Variants in CSMD1 observed in about 807,000 individuals in gnomAD.
CSMD1 encodes CUB and Sushi multiple domains 1, also known as CUB and sushi domain-containing protein 1.
Under a neutral mutation model 417.5 loss-of-function variants are expected in CSMD1, and 213 were observed. The observed-to-expected ratio is 0.51, with a 90% confidence interval of 0.46 to 0.57. CSMD1 has a LOEUF of 0.57. Ranked by LOEUF, CSMD1 falls within the 20% of genes least tolerant of loss-of-function variation. CSMD1 has a pLI of 0.00. For missense variants in CSMD1, 6,923 were observed against 4,529.7 expected (o/e 1.53, Z -15.17); for synonymous variants, 2,862 against 1,736.8 (o/e 1.65, Z -16.11).
At chr8:4,032,217 G>GA (rs1159875558) in intron 3 of CSMD1, 118 bp from the exon 4 acceptor site, 2 of 665,406 alleles carry the variant, frequency 3.0e-6, no homozygotes, top group African/African-American at 1.8e-5. Flanking sequence ...TCTAGCATCA[G>GA]AAAAATATTA....
chr8:4,080,034 G>T (rs560991063), intron 3 of CSMD1, among the ~76,000 whole-genome samples: 54 of 151,046 alleles, frequency 3.6e-4, no homozygotes, highest in African/African-American at 1.3e-3. Context: ...TCAAAAGGGT[G>T]GTGAGTGGCC....
chr8:3,786,361 C>G (rs770732964), intron 5 of CSMD1, among the ~76,000 whole-genome samples: 1 of 151,946 alleles, frequency 6.6e-6, no homozygotes, highest in Non-Finnish European at 1.5e-5. Context: ...GCTTGGGTGA[C>G]CTCATTTAGG....
chr8:4,818,481 T>A (rs1464822135), intron 1 of CSMD1, among the ~76,000 whole-genome samples: 1 of 152,162 alleles, frequency 6.6e-6, no homozygotes, highest in Non-Finnish European at 1.5e-5. Flanking sequence ...CAGCAACAAT[T>A]TTGATTTAGT....
chr8:4,811,585 T>C (rs1798911472), intron 1 of CSMD1, among the ~76,000 whole-genome samples: 1 of 152,164 alleles, frequency 6.6e-6, no homozygotes, highest in African/African-American at 2.4e-5. Context: ...GCTCATCCTT[T>C]GGCAATAATT....
At chr8:4,266,816 A>G (rs58919321) in intron 3 of CSMD1, among the ~76,000 whole-genome samples, 1,432 of 104,734 alleles carry the variant, frequency 0.014, 482 homozygotes, top group Middle Eastern at 0.061. Flanking sequence ...GTGGATTGTG[A>G]TGACTTTTCA....
At chr8:4,651,831 G>C (rs1243803914) in intron 1 of CSMD1, among the ~76,000 whole-genome samples, 1 of 152,188 alleles carries the variant, frequency 6.6e-6, no homozygotes, top group East Asian at 1.9e-4. Flanking sequence ...CAAACAGAGA[G>C]CTCATTGGAA....
At chr8:3,568,991 T>C (rs531924228) in intron 10 of CSMD1, among the ~76,000 whole-genome samples, 1 of 152,214 alleles carries the variant, frequency 6.6e-6, no homozygotes, top group African/African-American at 2.4e-5. Flanking sequence ...GAATTCTGAT[T>C]GCAGGACTCA....
chr8:3,224,019 G>C (rs1017221767), intron 27 of CSMD1, among the ~76,000 whole-genome samples, 152 bp from the exon 28 acceptor site: 4 of 152,106 alleles, frequency 2.6e-5, no homozygotes, highest in Non-Finnish European at 4.4e-5. Context: ...CAATTATCCT[G>C]ATAAAATTGT....
At chr8:3,183,623 C>T (rs1025661783) in intron 36 of CSMD1, among the ~76,000 whole-genome samples, 2 of 151,298 alleles carry the variant, frequency 1.3e-5, no homozygotes, top group Admixed American at 1.3e-4. Context: ...TGTTTCTTAA[C>T]GATACCATCG....
In CSMD1 at chr8:4,187,851, G is replaced by C. The variant is rs578028334; in HGVS notation, c.416-155752C>G. On this transcript the variant is annotated intron_variant, in intron 3 of 69. Transcript: ENST00000635120. ...GATGACTTGCTGAGACTATTTCATA[G>C]GCAGTTTTATACTTTTATTCTCTCA... Among the ~76,000 whole-genome samples the C allele has an allele frequency of 9.2e-5, 14 of 151,996 alleles. No homozygotes were observed. The East Asian group carries it at 2.7e-3, about 30-fold the overall frequency.
intron 22 of CSMD1, among the ~76,000 whole-genome samples, chr8:3,344,072 G>C (rs1030282019): frequency 3.9e-5 from 6 of 152,172 alleles, no homozygotes; most frequent in African/African-American, 1.2e-4. Context: ...TTCCCAAGCA[G>C]TTGTAAAACG....
At chr8:4,731,087 A>G (rs184706601) in intron 1 of CSMD1, among the ~76,000 whole-genome samples, 1 of 152,322 alleles carries the variant, frequency 6.6e-6, no homozygotes, top group East Asian at 1.9e-4. Flanking sequence ...AGAGACCATT[A>G]CCAGCTGTAA....
At chr8:3,480,965 G>C (rs1354468479) in intron 11 of CSMD1, among the ~76,000 whole-genome samples, 1 of 151,714 alleles carries the variant, frequency 6.6e-6, no homozygotes, top group African/African-American at 2.4e-5. Context: ...GACTATCCTG[G>C]CTAACATAGT....
intron 11 of CSMD1, among the ~76,000 whole-genome samples, chr8:3,483,072 A>G (rs948487894): frequency 4.6e-5 from 7 of 152,272 alleles, no homozygotes; most frequent in South Asian, 4.1e-4. Flanking sequence ...AGATTCTAGC[A>G]TAAGTAATGC....
intron 26 of CSMD1, among the ~76,000 whole-genome samples, chr8:3,259,008 G>A (rs1800862279): frequency 6.6e-6 from 1 of 152,160 alleles, no homozygotes; most frequent in Non-Finnish European, 1.5e-5. Context: ...CTTAATAGCT[G>A]GGTGATGAAT....
intron 2 of CSMD1, among the ~76,000 whole-genome samples, chr8:4,517,507 C>T (rs572779203): frequency 6.6e-6 from 1 of 152,308 alleles, no homozygotes; most frequent in East Asian, 1.9e-4. Flanking sequence ...CTGTGGCATA[C>T]TAAATGCTTA....
chr8:3,514,371 A>G (rs1254117377), intron 10 of CSMD1, among the ~76,000 whole-genome samples: 2 of 152,140 alleles, frequency 1.3e-5, no homozygotes, highest in Non-Finnish European at 2.9e-5. Flanking sequence ...CAGGTACTGC[A>G]CACCTAGCAA....
At chr8:4,284,930 A>C (rs982205265) in intron 3 of CSMD1, among the ~76,000 whole-genome samples, 2 of 152,158 alleles carry the variant, frequency 1.3e-5, no homozygotes, top group South Asian at 4.1e-4. Flanking sequence ...TGCACCAGTT[A>C]ATTACCTGTA....
At chr8:3,237,340 G>T (rs541154730) in intron 26 of CSMD1, among the ~76,000 whole-genome samples, 1 of 151,674 alleles carries the variant, frequency 6.6e-6, no homozygotes, top group African/African-American at 2.4e-5. Context: ...GGTGGTGTGT[G>T]TCTGTAATCT....
Sources: gnomAD v4.1 joint callset for allele counts (sites outside exome capture counted in the v4.1 genomes callset) on GRCh38, gnomAD v4.1.1 for gene constraint, MANE v1.5 for transcripts, NCBI Gene and HGNC (gene_info 2026-07-23, HGNC 2026-07-21) for gene names.